The following EMC8 variants were observed in gnomAD, a reference collection of about 807,000 sequenced individuals.
EMC8 encodes COX4 neighbor.
Under a neutral mutation model 24.3 loss-of-function variants are expected in EMC8, and 11 were observed. The observed-to-expected ratio is 0.45, with a 90% CI of 0.28 to 0.75. The LOEUF (loss-of-function observed/expected upper bound fraction) is 0.75, where lower values mean the gene tolerates loss of function less well. Among genes scored for constraint, EMC8 ranks in the 30% least tolerant of loss-of-function variants. EMC8 has a pLI of 0.12. For missense variants in EMC8, 277 were observed against 282.7 expected, an observed-to-expected ratio of 0.98 and a Z score of 0.14; for synonymous variants, 145 against 117.7, an observed-to-expected ratio of 1.23 and a Z score of -1.50.
intron 1 of EMC8, among the ~76,000 whole-genome samples, chr16:85,796,438 G>A (rs921441158): frequency 6.6e-6 from 1 of 152,066 alleles, no homozygotes; most frequent in Admixed American, 6.5e-5. Flanking sequence ...TCTAGTCTTG[G>A]GTGTACTCCT....
chr16:85,779,483 G>A lies in EMC8; in HGVS notation c.*225C>T, dbSNP rs1904387652. ...TGGAGGATTATAGCAACATACAACT[G>A]AGAGAGTCCACAGGGACAGTCAGAC... On this transcript the variant is annotated 3_prime_UTR_variant, in exon 5 of 5. Transcript: ENST00000253457. 4 of 490,812 alleles carry A rather than the reference G, an allele frequency of 8.1e-6. No homozygotes were observed. The highest frequency in any genetic ancestry group is 3.3e-5 in the Admixed American group (1 of 30,384). 30.4% of individuals were successfully genotyped at this position (490,812 alleles called of 1,614,324 possible).
intron 1 of EMC8, among the ~76,000 whole-genome samples, chr16:85,790,925 C>G (rs1219024017): frequency 6.6e-6 from 1 of 152,108 alleles, no homozygotes; most frequent in East Asian, 1.9e-4. Flanking sequence ...CTCCTGGGCT[C>G]AAGTGATCCT....
intron 3 of EMC8, 46 bp downstream of exon 3, chr16:85,781,165 A>G: frequency 7.2e-7 from 1 of 1,395,836 alleles, no homozygotes; most frequent in Non-Finnish European, 1.0e-6. Context: ...CAGGTTGGTG[A>G]GAGGAGGCGC....
intron 1 of EMC8, among the ~76,000 whole-genome samples, 153 bp from the exon 2 acceptor site, chr16:85,789,203 G>A (rs1459057799): frequency 6.6e-6 from 1 of 152,026 alleles, no homozygotes; most frequent in Non-Finnish European, 1.5e-5. Context: ...GTAGGACTCA[G>A]GAAAAAATGG....
At chr16:85,783,832 T>TA (rs1904625562) in intron 2 of EMC8, among the ~76,000 whole-genome samples, 1 of 152,188 alleles carries the variant, frequency 6.6e-6, no homozygotes, top group African/African-American at 2.4e-5. Flanking sequence ...AAAGCCCTGC[T>TA]AAACCCTGGA....
chr16:85,781,105 A>G, intron 3 of EMC8, 106 bp downstream of exon 3: 1 of 772,270 alleles, frequency 1.3e-6, no homozygotes, highest in East Asian at 2.6e-5. Flanking sequence ...TCTCAAGCAG[A>G]TAAATGAGTG....
intron 1 of EMC8, among the ~76,000 whole-genome samples, chr16:85,794,183 CTG>C (rs1905144974): frequency 6.6e-6 from 1 of 152,148 alleles, no homozygotes; most frequent in Non-Finnish European, 1.5e-5. Flanking sequence ...GCTCTAAACA[CTG>C]AGAGTTTTCA....
At position 85,789,038 on chromosome 16, in the gene EMC8, A is replaced by T; in HGVS notation, c.244T>A (p.Cys82Ser). The change falls in exon 2 of 5, where the codon TGC becomes AGC. Residue 82 changes from cysteine (C) to serine (S), a missense_variant. Cys to Ser is a moderately radical substitution (Grantham distance 112, BLOSUM62 -1). Coordinates refer to ENST00000253457, the MANE Select transcript of EMC8 (RefSeq NM_006067.5). Reference sequence around the variant, plus strand: ...GCAATCACGTAGCTATGATCTTTGCACCATGAATCAATCTGAAAGAGGAAC... The same window carrying T: ...GCAATCACGTAGCTATGATCTTTGCTCCATGAATCAATCTGAAAGAGGAAC... Reference protein sequence around the residue: ...EVALTLIDSWCKDHSYVIAGY... With the variant: ...EVALTLIDSWSKDHSYVIAGY... 1.2e-6 allele frequency: 2 copies of T among 1,613,218 alleles called. No individual in the cohort carries two copies. Among genetic ancestry groups the T allele is most frequent in the Non-Finnish European group, 1.7e-6 (2 of 1,179,132 alleles).
chr16:85,780,545 G>A, intron 3 of EMC8, 72 bp from the exon 4 acceptor site: 1 of 1,104,892 alleles, frequency 9.1e-7, no homozygotes, highest in Non-Finnish European at 1.4e-6. Context: ...GCCTCCTCGG[G>A]GCTCTCCCTG....
chr16:85,798,121 T>G (rs1304101257), intron 1 of EMC8, among the ~76,000 whole-genome samples: 10 of 138,382 alleles, frequency 7.2e-5, no homozygotes, highest in South Asian at 2.5e-4. Context: ...TTCGTTTTTT[T>G]TTTTTTTTTT....
intron 2 of EMC8, 167 bp downstream of exon 2, chr16:85,788,807 G>A: frequency 1.6e-6 from 1 of 624,518 alleles, no homozygotes; most frequent in South Asian, 1.8e-5. Context: ...AATTTCTGTT[G>A]TTTGGAATTA....
chr16:85,793,280 T>C (rs1020997983), intron 1 of EMC8, among the ~76,000 whole-genome samples: 3 of 152,210 alleles, frequency 2.0e-5, no homozygotes, highest in Non-Finnish European at 4.4e-5. Flanking sequence ...ACTTGCCACT[T>C]ACCAACAAGA....
chr16:85,781,003 TC>T (rs1263450790), intron 3 of EMC8: 1 of 571,432 alleles, frequency 1.7e-6, no homozygotes, highest in Non-Finnish European at 3.1e-6. Flanking sequence ...GGGACCCCAC[TC>T]CCACTTGTGT....
rs1181462854 is a variant in EMC8, at chr16:85,779,453, T to C, written c.*255A>G. 2.4e-5 allele frequency: 9 copies of C among 368,932 alleles called. No individual in the cohort carries two copies. The East Asian group carries it at 4.3e-4, about 17-fold the overall frequency. 22.9% of individuals were successfully genotyped at this position (368,932 alleles called of 1,614,324 possible). The stretch of plus-strand genomic sequence containing the variant: ...AATCTTGCACAAGCAGAAAGAGCTT[T>C]GATTTGGAGGATTATAGCAACATAC... On this transcript the variant is annotated 3_prime_UTR_variant, in exon 5 of 5. Transcript: ENST00000253457.
chr16:85,791,074 T>C (rs1317020529), intron 1 of EMC8, among the ~76,000 whole-genome samples: 1 of 152,098 alleles, frequency 6.6e-6, no homozygotes, highest in South Asian at 2.1e-4. Context: ...GCAATCCTCC[T>C]GCCTTGGCCT....
rs953889189 is a variant in EMC8, at chr16:85,790,223, C to G, written c.232-1173G>C. ...GTTTTTTAAACACAATCCTATTGCT[C>G]TTTTTCCTAAATTCTTGTTTGGGCC... On this transcript the variant is annotated intron_variant, in intron 1 of 4. Transcript: ENST00000253457. 9.9e-5 allele frequency among the ~76,000 whole-genome samples: 15 copies of G among 151,490 alleles called. 1 individual carries two copies. The highest frequency in any genetic ancestry group is 9.2e-4 in the Admixed American group (14 of 15,248).
chr16:85,796,963 C>T (rs944614578), intron 1 of EMC8, among the ~76,000 whole-genome samples: 2 of 152,242 alleles, frequency 1.3e-5, no homozygotes, highest in Non-Finnish European at 2.9e-5. Context: ...AGCCATATCC[C>T]TCCTCAGCAC....
In EMC8 at chr16:85,781,082, G is replaced by A. The variant is rs1255881420; in HGVS notation, c.378+129C>T. 6.3e-4 allele frequency: 417 copies of A among 659,710 alleles called. 2 individuals carry two copies. Among genetic ancestry groups the A allele is most frequent in the Non-Finnish European group, 1.9e-5 (7 of 368,622 alleles). 40.9% of individuals were successfully genotyped at this position (659,710 alleles called of 1,614,324 possible). On this transcript the variant is annotated intron_variant, in intron 3 of 4. Coordinates refer to ENST00000253457, the MANE Select transcript of EMC8 (RefSeq NM_006067.5). ...GTCTGCAGCTGAGAGAAAACTGCAAGAGGCGGCAATGGTCTCAAGCAGATA... is the reference window on the plus strand; with the variant it reads ...GTCTGCAGCTGAGAGAAAACTGCAAAAGGCGGCAATGGTCTCAAGCAGATA...
chr16:85,798,973 TG>T, intron 1 of EMC8, 91 bp downstream of exon 1: 1 of 919,754 alleles, frequency 1.1e-6, no homozygotes, highest in African/African-American at 1.7e-5. Context: ...CCTAGGAGCC[TG>T]CTGGAGGGCG....
Sources: gnomAD v4.1 joint callset for allele counts (sites outside exome capture counted in the v4.1 genomes callset) on GRCh38, gnomAD v4.1.1 for gene constraint, MANE v1.5 for transcripts, NCBI Gene and HGNC (gene_info 2026-07-23, HGNC 2026-07-21) for gene names.